The following CDK19 variants were observed in gnomAD, a reference collection of about 807,000 sequenced individuals.
CDK19 encodes the protein cyclin-dependent kinase 19.
Under a neutral mutation model 68.3 loss-of-function variants are expected in CDK19, and 20 were observed. The ratio of observed to expected loss-of-function variants is 0.29; its 90% CI spans 0.21 to 0.43. CDK19 has a LOEUF of 0.43. Among genes scored for constraint, CDK19 ranks in the 20% least tolerant of loss-of-function variants. The pLI is 1.00. For synonymous variants in CDK19, 221 were observed against 222.8 expected, an observed-to-expected ratio of 0.99 and a Z score of 0.07; for missense variants, 339 against 623.5, an observed-to-expected ratio of 0.54 and a Z score of 4.86.
chr6:110,670,686 C>G, intron 2 of CDK19, 145 bp from the exon 3 acceptor site: 1 of 660,082 alleles, frequency 1.5e-6, no homozygotes, highest in Non-Finnish European at 2.7e-6. Context: ...ACCCAAAATA[C>G]TGGCATTCAG....
intron 2 of CDK19, among the ~76,000 whole-genome samples, chr6:110,673,814 C>T (rs746894201): frequency 2.0e-5 from 3 of 152,118 alleles, no homozygotes; most frequent in African/African-American, 4.8e-5. Context: ...AATGTGGTCT[C>T]GAACTCCTGG....
intron 2 of CDK19, among the ~76,000 whole-genome samples, chr6:110,685,281 GCCTAGAA>G (rs1247867021): frequency 6.6e-6 from 1 of 152,116 alleles, no homozygotes; most frequent in Non-Finnish European, 1.5e-5. Flanking sequence ...TCTTCTCTCT[GCCTAGAA>G]AGGTACAGAA....
chr6:110,692,569 G>A (rs1773098881), intron 2 of CDK19, among the ~76,000 whole-genome samples: 2 of 152,200 alleles, frequency 1.3e-5, no homozygotes, highest in Non-Finnish European at 1.5e-5. Flanking sequence ...TTACCTGAGG[G>A]AATAATTGAG....
chr6:110,715,773 C>T (rs1775339774), intron 2 of CDK19, among the ~76,000 whole-genome samples: 1 of 152,192 alleles, frequency 6.6e-6, no homozygotes, highest in South Asian at 2.1e-4. Context: ...AGGCGTGAGC[C>T]ATCACACCCT....
intron 2 of CDK19, among the ~76,000 whole-genome samples, chr6:110,689,242 G>A (rs930911729): frequency 1.3e-5 from 2 of 152,070 alleles, no homozygotes; most frequent in African/African-American, 4.8e-5. Context: ...CACAGAGGCC[G>A]CTGCTTTCCT....
chr6:110,654,168 C>T (rs900468957), intron 4 of CDK19, among the ~76,000 whole-genome samples: 3 of 152,220 alleles, frequency 2.0e-5, no homozygotes, highest in African/African-American at 7.2e-5. Flanking sequence ...ACTTTCCTCA[C>T]ATTTGATACA....
intron 4 of CDK19, among the ~76,000 whole-genome samples, chr6:110,662,822 C>T (rs1781698957): frequency 6.6e-6 from 1 of 152,106 alleles, no homozygotes; most frequent in Admixed American, 6.5e-5. Context: ...AGACTTATGC[C>T]TCTACTTCAC....
chr6:110,660,673 T>G (rs1781565005), intron 4 of CDK19, among the ~76,000 whole-genome samples: 1 of 152,152 alleles, frequency 6.6e-6, no homozygotes. Flanking sequence ...ACTAGACTCT[T>G]CTCCAAAGCT....
chr6:110,717,281 CT>C (rs769454643), intron 2 of CDK19, among the ~76,000 whole-genome samples: 34 of 151,854 alleles, frequency 2.2e-4, no homozygotes, highest in Non-Finnish European at 3.8e-4. Flanking sequence ...ACTTGGGCCC[CT>C]GTATATACAT....
chr6:110,706,848 G>A, intron 2 of CDK19: 1 of 210,158 alleles, frequency 4.8e-6, no homozygotes, highest in African/African-American at 2.3e-5. Flanking sequence ...TCACATGTAT[G>A]TGGCCAAAGG....
chr6:110,631,239 T>C lies in CDK19; in HGVS notation c.646+791A>G, dbSNP rs535165138. Among the ~76,000 whole-genome samples the C allele has an allele frequency of 2.6e-5, 4 of 152,368 alleles. No homozygotes were observed. In the East Asian group the frequency reaches 5.8e-4, roughly 22 times the overall value. On this transcript the variant is annotated intron_variant, in intron 6 of 12. Transcript: ENST00000368911. ...AAGAAATATACTTAGGAAATTTGGA[T>C]ACCTTGTAGAACTATCCCTTCTAAC... is the stretch of plus-strand genomic sequence containing the variant.
At position 110,621,289 on chromosome 6, in the gene CDK19, G is replaced by A. The variant is rs1582691168; in HGVS notation, c.1192C>T (p.Pro398Ser). The A allele has an allele frequency of 6.2e-7, 1 of 1,611,354 alleles. No individual in the cohort carries two copies. ...TTGGTCTGGGTGCTGTTCTGCTGTG[G>A]TGGGGGCGCCTGTGGAGGGGCTGCT... Reference protein sequence around the residue: ...QAAAPPQAPPPQQNSTQTNGT... With the variant: ...QAAAPPQAPPSQQNSTQTNGT... The change falls in exon 12 of 13, where the codon CCA becomes TCA. Residue 398 changes from proline to serine, a missense_variant. Pro to Ser is a moderately conservative substitution (Grantham distance 74). This residue lies in a region of CDK19 where 155 missense variants were observed against 222.7 expected (regional missense o/e 0.70). Coordinates refer to ENST00000368911, the MANE Select transcript of CDK19 (RefSeq NM_015076.5). This position sits in a 1 kb window ranked among gnomAD's most constrained non-coding sequence, Gnocchi z 5.4.
At chr6:110,709,439 G>T (rs1582916505) in intron 2 of CDK19, among the ~76,000 whole-genome samples, 1 of 151,292 alleles carries the variant, frequency 6.6e-6, no homozygotes, top group Admixed American at 6.6e-5. Context: ...AAATCACCAT[G>T]GCACATGTAT....
intron 2 of CDK19, among the ~76,000 whole-genome samples, chr6:110,673,699 G>A (rs1240378226): frequency 6.6e-6 from 1 of 152,048 alleles, no homozygotes; most frequent in Non-Finnish European, 1.5e-5. Context: ...TCCTTCAGGT[G>A]AGAAGTGATT....
intron 1 of CDK19, among the ~76,000 whole-genome samples, chr6:110,781,747 G>C (rs868288403): frequency 7.9e-5 from 12 of 151,934 alleles, no homozygotes; most frequent in Admixed American, 5.2e-4. Flanking sequence ...AGGAGGCTGA[G>C]GTGGGAGGAT....
chr6:110,772,634 T>C (rs964057777), intron 1 of CDK19, among the ~76,000 whole-genome samples: 4 of 152,152 alleles, frequency 2.6e-5, no homozygotes, highest in African/African-American at 4.8e-5. Context: ...TAGATCTCTT[T>C]CTAAAAATAA....
intron 4 of CDK19, among the ~76,000 whole-genome samples, chr6:110,659,372 C>T (rs998284030): frequency 6.6e-6 from 1 of 152,236 alleles, no homozygotes; most frequent in African/African-American, 2.4e-5. Context: ...TAGTATTAGA[C>T]TTTCATACAG....
intron 1 of CDK19, among the ~76,000 whole-genome samples, chr6:110,796,801 A>T (rs1336760470): frequency 6.7e-6 from 1 of 148,864 alleles, no homozygotes; most frequent in African/African-American, 2.5e-5. Flanking sequence ...TGAGGTCAGA[A>T]GTTCGAGACC....
chr6:110,746,259 T>G (rs895740655), intron 1 of CDK19, 58 bp from the exon 2 acceptor site: 15 of 1,042,028 alleles, frequency 1.4e-5, no homozygotes, highest in Non-Finnish European at 2.0e-5. Context: ...TTCAAAATTA[T>G]AACTACAAAA....
Sources: allele counts gnomAD v4.1 joint callset (sites outside exome capture counted in the v4.1 genomes callset), GRCh38; gene constraint gnomAD v4.1.1; regional missense constraint gnomAD v4.1.1; non-coding constraint Gnocchi (gnomAD v3.1); transcripts MANE v1.5; gene names NCBI Gene and HGNC (gene_info 2026-07-23, HGNC 2026-07-21).